The following ERBB4 variants were observed in gnomAD, a reference collection of about 807,000 sequenced individuals.
The protein encoded by ERBB4 is receptor tyrosine-protein kinase erbB-4.
In ERBB4, 42 loss-of-function variants were observed where a neutral mutation model predicts 158.0. The observed-to-expected ratio is 0.27, with a 90% CI of 0.21 to 0.34. ERBB4 has a LOEUF of 0.34. Ranked by LOEUF, ERBB4 falls within the 10% of genes least tolerant of loss-of-function variation. ERBB4 has a pLI of 1.00. For synonymous variants in ERBB4, 583 were observed against 558.7 expected (o/e 1.04, Z -0.61); for missense variants, 1,333 against 1,624.1 (o/e 0.82, Z 3.08).
chr2:212,438,898 A>C (rs1321069844), intron 1 of ERBB4, among the ~76,000 whole-genome samples: 15 of 152,152 alleles, frequency 9.9e-5, no homozygotes, highest in African/African-American at 3.6e-4. Flanking sequence ...ATAAAGAAGC[A>C]AAACAGGGAA....
chr2:212,161,930 C>A (rs962697542), intron 1 of ERBB4, among the ~76,000 whole-genome samples: 3 of 151,774 alleles, frequency 2.0e-5, no homozygotes, highest in African/African-American at 7.2e-5. Flanking sequence ...TCATAAATGA[C>A]AATAAATAGC....
chr2:212,327,720 C>T (rs1476013800), intron 1 of ERBB4, among the ~76,000 whole-genome samples: 21 of 43,366 alleles, frequency 4.8e-4, no homozygotes, highest in South Asian at 9.7e-4. Context: ...TTTTTTTTTT[C>T]TTTTTTTCTT....
chr2:212,143,858 A>C (rs1559586587), intron 1 of ERBB4, among the ~76,000 whole-genome samples: 1 of 151,988 alleles, frequency 6.6e-6, no homozygotes. Flanking sequence ...TCTACTGAAA[A>C]AAATACAAAA....
intron 20 of ERBB4, among the ~76,000 whole-genome samples, chr2:211,526,445 A>C (rs1229187512): frequency 2.6e-5 from 4 of 152,172 alleles, no homozygotes; most frequent in African/African-American, 9.6e-5. Flanking sequence ...CTCCTGATGC[A>C]GATATGGCTT....
chr2:211,874,053 T>C (rs2078429168), intron 3 of ERBB4, among the ~76,000 whole-genome samples: 2 of 152,070 alleles, frequency 1.3e-5, no homozygotes, highest in Admixed American at 6.6e-5. Flanking sequence ...TAGTCCCAGC[T>C]ACTTGGGAGG....
chr2:211,847,113 G>T (rs1175818602), intron 3 of ERBB4, among the ~76,000 whole-genome samples: 1 of 152,132 alleles, frequency 6.6e-6, no homozygotes, highest in African/African-American at 2.4e-5. Context: ...AACATCTTGA[G>T]CTGTGCTTAA....
intron 25 of ERBB4, among the ~76,000 whole-genome samples, chr2:211,390,576 G>A (rs542780454): frequency 7.0e-4 from 107 of 152,264 alleles, no homozygotes; most frequent in African/African-American, 2.4e-3. Context: ...CTTCATCAGG[G>A]AACAGTTTAT....
At chr2:211,853,512 T>C (rs1484833856) in intron 3 of ERBB4, among the ~76,000 whole-genome samples, 2 of 152,056 alleles carry the variant, frequency 1.3e-5, no homozygotes, top group Non-Finnish European at 2.9e-5. Flanking sequence ...GGCACACTAA[T>C]TAGTTCTTGA....
At chr2:211,607,028 T>C (rs2069007610) in intron 19 of ERBB4, among the ~76,000 whole-genome samples, 1 of 152,132 alleles carries the variant, frequency 6.6e-6, no homozygotes, top group Admixed American at 6.6e-5. Flanking sequence ...TTTGTACGCA[T>C]TATACTAGAC....
chr2:212,125,402 C>A (rs780087767), intron 1 of ERBB4, among the ~76,000 whole-genome samples: 2 of 152,044 alleles, frequency 1.3e-5, no homozygotes, highest in East Asian at 3.8e-4. Context: ...CTCAAACATG[C>A]GTTTTTATTT....
chr2:211,669,920 A>G (rs1199682518), intron 14 of ERBB4, among the ~76,000 whole-genome samples: 1 of 152,174 alleles, frequency 6.6e-6, no homozygotes, highest in African/African-American at 2.4e-5. Context: ...TATATTTTAA[A>G]GGGAGAAAGT....
intron 19 of ERBB4, among the ~76,000 whole-genome samples, chr2:211,609,479 C>G (rs530291073): frequency 6.6e-6 from 1 of 152,284 alleles, no homozygotes; most frequent in South Asian, 2.1e-4. Flanking sequence ...TGAACCTAAG[C>G]ATAAGAATGG....
At chr2:212,301,153 A>G (rs1489977894) in intron 1 of ERBB4, among the ~76,000 whole-genome samples, 2 of 149,586 alleles carry the variant, frequency 1.3e-5, no homozygotes, top group African/African-American at 4.9e-5. Context: ...TCAAAACATT[A>G]TAAACCTTTC....
In ERBB4 at chr2:211,536,181, A is replaced by G. The variant is rs938255676; in HGVS notation, c.2487+25722T>C. 9.9e-5 allele frequency among the ~76,000 whole-genome samples: 15 copies of G among 152,156 alleles called. 1 individual carries two copies. The highest frequency in any genetic ancestry group is 2.6e-4 in the Admixed American group (4 of 15,278). On this transcript the variant is annotated intron_variant, in intron 20 of 27. Transcript: ENST00000342788. ...AAATGACACCAAAAGAAAATGAGTT[A>G]CATTCGATAATTAAAAATTTTTCAG... is the stretch of plus-strand genomic sequence containing the variant.
In ERBB4 at chr2:211,424,291, T is replaced by C. The variant is rs1391443605; in HGVS notation, c.2730A>G (p.Ile910Met). Reference sequence around the variant, plus strand: ...TTCCTCCAAAGGTCATCAGTTCCCATATAGTAACTCCTATATTGGAGAAAA... The same window carrying C: ...TTCCTCCAAAGGTCATCAGTTCCCACATAGTAACTCCTATATTGGAGAAAA... Reference protein sequence around the residue: ...QSDVWSYGVTIWELMTFGGKP... With the variant: ...QSDVWSYGVTMWELMTFGGKP... Residue 910 changes from isoleucine to methionine, a missense_variant, in exon 23 of 28, where the codon ATA (isoleucine) becomes ATG (methionine). Physicochemically the swap from Ile to Met is conservative, Grantham distance 10. This residue lies in a region of ERBB4 where 314 missense variants were observed against 437.6 expected (regional missense o/e 0.72). Coordinates refer to ENST00000342788, the MANE Select transcript of ERBB4 (RefSeq NM_005235.3). The C allele has an allele frequency of 2.5e-6, 4 of 1,612,270 alleles. No homozygotes were observed. In the African/African-American group the frequency reaches 4.0e-5, roughly 16 times the overall value.
intron 16 of ERBB4, among the ~76,000 whole-genome samples, chr2:211,634,073 C>A (rs937888741): frequency 6.6e-6 from 1 of 152,128 alleles, no homozygotes; most frequent in Non-Finnish European, 1.5e-5. Flanking sequence ...GCAGGAGAAT[C>A]GCCTGAACCC....
At chr2:212,373,930 C>CATGTATATATCCATAT (rs1206958149) in intron 1 of ERBB4, among the ~76,000 whole-genome samples, 3 of 63,420 alleles carry the variant, frequency 4.7e-5, no homozygotes, top group African/African-American at 3.2e-4. Flanking sequence ...TATATATATC[C>CATGTATATATCCATAT]ATATATATCC....
rs557012380 is a variant in ERBB4, at chr2:212,406,653, C to G, written c.82+131796G>C. Among the ~76,000 whole-genome samples, 26 of 152,234 alleles carry G rather than the reference C, an allele frequency of 1.7e-4. No individual in the cohort carries two copies. The South Asian group carries it at 5.4e-3, about 32-fold the overall frequency. On this transcript the variant is annotated intron_variant, in intron 1 of 27. Coordinates refer to ENST00000342788, the MANE Select transcript of ERBB4 (RefSeq NM_005235.3). The stretch of plus-strand genomic sequence containing the variant: ...ATGAAACATTCGCCTTTGTTGCTCA[C>G]TGTTAAAAACCTCTCAGAGACTCAT...
chr2:211,980,991 C>CGCA (rs1314003840), intron 2 of ERBB4, among the ~76,000 whole-genome samples: 1 of 150,894 alleles, frequency 6.6e-6, no homozygotes, highest in Admixed American at 6.6e-5. Flanking sequence ...CGCTCCCCAC[C>CGCA]ATCTGTATTA....
Sources: allele counts gnomAD v4.1 joint callset (sites outside exome capture counted in the v4.1 genomes callset), GRCh38; gene constraint gnomAD v4.1.1; regional missense constraint gnomAD v4.1.1; transcripts MANE v1.5; gene names NCBI Gene and HGNC (gene_info 2026-07-23, HGNC 2026-07-21).